The following SUGCT variants were observed in gnomAD, a reference collection of about 807,000 sequenced individuals.
SUGCT encodes succinyl-CoA:glutarate-CoA transferase, also known as succinyl-CoA:glutarate CoA-transferase.
Under a neutral mutation model 55.0 loss-of-function variants are expected in SUGCT, and 41 were observed. The ratio of observed to expected loss-of-function variants is 0.74; its 90% CI spans 0.58 to 0.97. The LOEUF (loss-of-function observed/expected upper bound fraction) is 0.97, where lower values mean the gene tolerates loss of function less well. Among genes scored for constraint, SUGCT ranks in the 50% least tolerant of loss-of-function variants. SUGCT has a pLI of 0.00. For missense variants in SUGCT, 568 were observed against 547.8 expected (o/e 1.04, Z -0.37); for synonymous variants, 187 against 200.4 (o/e 0.93, Z 0.56).
At chr7:40,742,656 T>C (rs1249061305) in intron 12 of SUGCT, among the ~76,000 whole-genome samples, 2 of 150,860 alleles carry the variant, frequency 1.3e-5, no homozygotes, top group Non-Finnish European at 3.0e-5. Flanking sequence ...TGGACCCCCA[T>C]ACCATGGACC....
At chr7:40,951,386 T>A in the SUGCT span, among the ~76,000 whole-genome samples, 2 of 152,300 alleles carry the variant, frequency 1.3e-5, no homozygotes, top group South Asian at 4.1e-4. Context: ...ATTAATTTTG[T>A]TGATCTTTTC....
the SUGCT span, among the ~76,000 whole-genome samples, chr7:40,980,310 G>A: frequency 5.3e-5 from 8 of 152,028 alleles, no homozygotes; most frequent in Non-Finnish European, 1.0e-4. Context: ...TAAGACTTTG[G>A]TACATAAATA....
At chr7:40,750,483 A>C (rs1347071743) in intron 13 of SUGCT, among the ~76,000 whole-genome samples, 1 of 152,148 alleles carries the variant, frequency 6.6e-6, no homozygotes, top group African/African-American at 2.4e-5. Context: ...CAAACTCTTC[A>C]GTCACCTCAG....
chr7:40,426,805 T>G (rs1787610087), intron 9 of SUGCT, among the ~76,000 whole-genome samples: 1 of 152,116 alleles, frequency 6.6e-6, no homozygotes. Flanking sequence ...TTTAATTTAT[T>G]ATTTTTTAAT....
intron 12 of SUGCT, among the ~76,000 whole-genome samples, chr7:40,642,847 G>A (rs1210703897): frequency 6.6e-6 from 1 of 152,138 alleles, no homozygotes; most frequent in African/African-American, 2.4e-5. Flanking sequence ...CTCATGGAAA[G>A]CCAGGGTTAT....
At chr7:40,281,485 G>A (rs886689658) in intron 8 of SUGCT, among the ~76,000 whole-genome samples, 4 of 152,136 alleles carry the variant, frequency 2.6e-5, no homozygotes, top group African/African-American at 9.7e-5. Flanking sequence ...GTAATATGTA[G>A]CTTTTATTGT....
intron 12 of SUGCT, among the ~76,000 whole-genome samples, chr7:40,583,386 G>T (rs1797204344): frequency 6.6e-6 from 1 of 151,236 alleles, no homozygotes; most frequent in South Asian, 2.1e-4. Flanking sequence ...TCTTTCCTTG[G>T]CTTTTCTAAT....
the SUGCT span, among the ~76,000 whole-genome samples, chr7:41,032,445 G>T: frequency 2.0e-5 from 3 of 151,898 alleles, no homozygotes; most frequent in Non-Finnish European, 4.4e-5. Context: ...CTGATACGAA[G>T]GTATCCTTTC....
intron 12 of SUGCT, among the ~76,000 whole-genome samples, chr7:40,747,747 G>C (rs1449185527): frequency 6.6e-6 from 1 of 152,058 alleles, no homozygotes; most frequent in Non-Finnish European, 1.5e-5. Context: ...ATAGATGTTG[G>C]ATTCTTTGGG....
chr7:40,961,625 C>T, the SUGCT span, among the ~76,000 whole-genome samples: 5 of 152,152 alleles, frequency 3.3e-5, no homozygotes, highest in Non-Finnish European at 5.9e-5. Context: ...TTCTTGGTCT[C>T]GCTGACCTCA....
the SUGCT span, among the ~76,000 whole-genome samples, chr7:40,918,917 C>T: frequency 1.3e-5 from 2 of 152,172 alleles, no homozygotes; most frequent in Non-Finnish European, 2.9e-5. Flanking sequence ...GATCTGGTAT[C>T]TGTGGGACTC....
At chr7:40,565,507 T>C (rs191251045) in intron 12 of SUGCT, among the ~76,000 whole-genome samples, 14 of 152,338 alleles carry the variant, frequency 9.2e-5, no homozygotes, top group African/African-American at 3.4e-4. Flanking sequence ...TTATTGCACA[T>C]CGTTTATATA....
chr7:40,153,564 G>C (rs1788693528), intron 1 of SUGCT: 1 of 475,208 alleles, frequency 2.1e-6, no homozygotes, highest in Admixed American at 2.3e-5. Flanking sequence ...GCACATTTTG[G>C]ACCTATCAAC....
the SUGCT span, among the ~76,000 whole-genome samples, chr7:40,903,495 C>A: frequency 6.6e-6 from 1 of 152,226 alleles, no homozygotes; most frequent in African/African-American, 2.4e-5. Flanking sequence ...AATATGAGAA[C>A]TTCCTTGGCC....
chr7:40,181,024 G>T, intron 2 of SUGCT, 26 bp downstream of exon 2: 1 of 1,552,782 alleles, frequency 6.4e-7, no homozygotes, highest in South Asian at 1.2e-5. Context: ...TCTACATTTT[G>T]GTGATTGGGT....
chr7:40,803,846 T>C (rs1281397723), intron 13 of SUGCT, among the ~76,000 whole-genome samples: 1 of 152,222 alleles, frequency 6.6e-6, no homozygotes, highest in Admixed American at 6.5e-5. Flanking sequence ...GCTAGTTTTA[T>C]TGAAGACTGT....
chr7:40,183,816 G>C (rs544727787), intron 3 of SUGCT, among the ~76,000 whole-genome samples: 160 of 152,052 alleles, frequency 1.1e-3, no homozygotes, highest in Non-Finnish European at 1.8e-3. Context: ...TCTCACTTTT[G>C]TTTGGTATCA....
chr7:40,363,569 T>C (rs147419748), intron 9 of SUGCT, among the ~76,000 whole-genome samples: 1,524 of 152,350 alleles, frequency 0.01, 23 homozygotes, highest in African/African-American at 0.035. Flanking sequence ...TTTAATTATG[T>C]ACCCAGCAGT....
In SUGCT at chr7:40,742,535, C is replaced by T. The variant is rs540619329; in HGVS notation, c.1090-6899C>T. ...TTCCCGCTCCTATGAGAATCTAATGCTGCCGCTCATCTGACAGGAGGCGGA... is the reference window on the plus strand; with the variant it reads ...TTCCCGCTCCTATGAGAATCTAATGTTGCCGCTCATCTGACAGGAGGCGGA... On this transcript the variant is annotated intron_variant, in intron 12 of 13. Transcript: ENST00000335693. Among the ~76,000 whole-genome samples the T allele has an allele frequency of 3.9e-5, 6 of 152,208 alleles. No individual in the cohort carries two copies. The East Asian group carries it at 9.7e-4, about 25-fold the overall frequency.
Sources: allele counts gnomAD v4.1 joint callset (sites outside exome capture counted in the v4.1 genomes callset), GRCh38; gene constraint gnomAD v4.1.1; transcripts MANE v1.5; gene names NCBI Gene and HGNC (gene_info 2026-07-23, HGNC 2026-07-21).